The following MDFIC2 variants were observed in gnomAD, a reference collection of about 807,000 sequenced individuals.
MDFIC2 encodes myoD family inhibitor domain-containing protein 2.
intron 2 of MDFIC2, among the ~76,000 whole-genome samples, chr3:70,269,685 A>G (rs1170390860): frequency 6.6e-6 from 1 of 152,184 alleles, no homozygotes; most frequent in East Asian, 1.9e-4. Context: ...TGTACTAGCT[A>G]TATTTAATAT....
At chr3:70,311,809 T>G in intron 2 of MDFIC2, 77 bp downstream of exon 2, 1 of 394,596 alleles carries the variant, frequency 2.5e-6, no homozygotes, top group Non-Finnish European at 4.5e-6. Flanking sequence ...ATTTCCTCCT[T>G]CTCCCACACT....
intron 2 of MDFIC2, among the ~76,000 whole-genome samples, chr3:70,255,108 T>A (rs1701802910): frequency 6.6e-6 from 1 of 152,204 alleles, no homozygotes; most frequent in Admixed American, 6.5e-5. Flanking sequence ...GTTCAACTAA[T>A]GAAACAGTGA....
At chr3:70,223,248 G>T (rs567009921) in intron 2 of MDFIC2, among the ~76,000 whole-genome samples, 2 of 152,006 alleles carry the variant, frequency 1.3e-5, no homozygotes, top group Non-Finnish European at 2.9e-5. Flanking sequence ...CAAAGCAATC[G>T]AAACTCAGAG....
chr3:70,278,067 T>C (rs375026295), intron 2 of MDFIC2, among the ~76,000 whole-genome samples: 12 of 152,290 alleles, frequency 7.9e-5, no homozygotes, highest in East Asian at 5.8e-4. Context: ...AAAAAACACT[T>C]CAGCAACATA....
intron 2 of MDFIC2, among the ~76,000 whole-genome samples, chr3:70,269,873 G>T (rs1485281193): frequency 6.6e-6 from 1 of 152,104 alleles, no homozygotes; most frequent in Non-Finnish European, 1.5e-5. Flanking sequence ...TAAGGAAGAA[G>T]TCAAATATAA....
chr3:70,236,652 G>A (rs996564897), intron 2 of MDFIC2, among the ~76,000 whole-genome samples: 2 of 152,080 alleles, frequency 1.3e-5, no homozygotes, highest in Non-Finnish European at 2.9e-5. Context: ...CTGGAGTGCA[G>A]CGGCACAATC....
chr3:70,272,101 A>G (rs1701981306), intron 2 of MDFIC2: 1 of 152,244 alleles, frequency 6.6e-6, no homozygotes, highest in African/African-American at 2.4e-5. Context: ...AACAATCCCC[A>G]AATATCACAT....
rs567150616 is a variant in MDFIC2 at position 70,210,383 on chromosome 3, A to T, written c.89-3593T>A. On this transcript the variant is annotated intron_variant, in intron 2 of 3. Transcript: ENST00000567252. Reference sequence around the variant, plus strand: ...GGGAACTATCTGTTGCTCATTAGAAAATCATCTGACATACACACATTTGAG... The same window carrying T: ...GGGAACTATCTGTTGCTCATTAGAATATCATCTGACATACACACATTTGAG... Among the ~76,000 whole-genome samples, 770 of 152,220 alleles carry T rather than the reference A, an allele frequency of 5.1e-3. 4 individuals carry two copies. The highest frequency in any genetic ancestry group is 0.017 in the Middle Eastern group (5 of 294).
At chr3:70,198,043 T>A (rs911228704) in intron 3 of MDFIC2, among the ~76,000 whole-genome samples, 2 of 152,210 alleles carry the variant, frequency 1.3e-5, no homozygotes, top group South Asian at 4.1e-4. Context: ...AGCAGTTCTC[T>A]TGTTAAAATT....
intron 2 of MDFIC2, among the ~76,000 whole-genome samples, chr3:70,280,510 A>G (rs1464032603): frequency 6.6e-6 from 1 of 152,084 alleles, no homozygotes; most frequent in Non-Finnish European, 1.5e-5. Flanking sequence ...TTTCTAGGGG[A>G]GCTGAGCTGA....
At chr3:70,259,770 A>T (rs1412667423) in intron 2 of MDFIC2, among the ~76,000 whole-genome samples, 2 of 152,196 alleles carry the variant, frequency 1.3e-5, no homozygotes, top group East Asian at 3.9e-4. Context: ...ATACCGGTAT[A>T]AAAACTGACC....
At chr3:70,281,138 G>A (rs534738663) in intron 2 of MDFIC2, among the ~76,000 whole-genome samples, 2 of 152,116 alleles carry the variant, frequency 1.3e-5, no homozygotes, top group South Asian at 4.1e-4. Flanking sequence ...ATGTTTCAGA[G>A]GGTAAAGAGG....
rs532329880 is a variant in MDFIC2, at chr3:70,196,610, A to G, written c.*316T>C. Among the ~76,000 whole-genome samples the G allele has an allele frequency of 8.6e-4, 131 of 152,326 alleles. No individual in the cohort carries two copies. The highest frequency in any genetic ancestry group is 2.7e-3 in the African/African-American group (114 of 41,584). ...TCCATAATGCAAGCTGATGAGTGCA[A>G]TAACGCAGTGGCTTAACATGCTATT... On this transcript the variant is annotated 3_prime_UTR_variant, in exon 4 of 4. Transcript: ENST00000567252.
intron 2 of MDFIC2, among the ~76,000 whole-genome samples, chr3:70,279,027 T>C (rs1038449268): frequency 2.6e-5 from 4 of 151,122 alleles, no homozygotes; most frequent in Non-Finnish European, 5.9e-5. Flanking sequence ...TATCAGTATC[T>C]AATTTTCTCC....
chr3:70,217,624 G>T (rs757616742), intron 2 of MDFIC2, among the ~76,000 whole-genome samples: 4 of 152,082 alleles, frequency 2.6e-5, no homozygotes, highest in Non-Finnish European at 4.4e-5. Context: ...GAGGTAGAAG[G>T]TGTTTTCATA....
chr3:70,250,975 A>G (rs1303893127), intron 2 of MDFIC2, among the ~76,000 whole-genome samples: 1 of 152,206 alleles, frequency 6.6e-6, no homozygotes. Context: ...ATGACATCCC[A>G]ATGTGATTTG....
At chr3:70,226,760 T>C (rs1575601600) in intron 2 of MDFIC2, among the ~76,000 whole-genome samples, 1 of 142,608 alleles carries the variant, frequency 7.0e-6, no homozygotes, top group African/African-American at 2.6e-5. Flanking sequence ...AAAAAAATAG[T>C]GTGCAATTTC....
At chr3:70,228,677 C>G (rs930311149) in intron 2 of MDFIC2, among the ~76,000 whole-genome samples, 1 of 142,716 alleles carries the variant, frequency 7.0e-6, no homozygotes. Flanking sequence ...AAATTGAAAA[C>G]AAAATAACAG....
chr3:70,262,865 G>A (rs905035982), intron 2 of MDFIC2, among the ~76,000 whole-genome samples: 1 of 152,070 alleles, frequency 6.6e-6, no homozygotes, highest in Non-Finnish European at 1.5e-5. Context: ...GGTCAATAAG[G>A]TTGGGTTTTA....
Sources: gnomAD v4.1 joint callset for allele counts (sites outside exome capture counted in the v4.1 genomes callset) on GRCh38, gnomAD v4.1.1 for gene constraint, MANE v1.5 for transcripts, NCBI Gene and HGNC (gene_info 2026-07-23, HGNC 2026-07-21) for gene names.